The following NOM1 variants were observed in gnomAD, a reference collection of about 807,000 sequenced individuals.
NOM1 encodes nucleolar protein with MIF4G domain 1.
A neutral mutation model predicts 73.3 loss-of-function variants in NOM1; 58 were observed. The ratio of observed to expected loss-of-function variants is 0.79; its 90% confidence interval spans 0.64 to 0.99. The LOEUF is 0.99. Among genes scored for constraint, NOM1 ranks in the 50% least tolerant of loss-of-function variants. The pLI is 0.00. For missense variants in NOM1, 1,226 were observed against 1,131.9 expected, an observed-to-expected ratio of 1.08 and a Z score of -1.19; for synonymous variants, 487 against 446.8, an observed-to-expected ratio of 1.09 and a Z score of -1.14.
chr7:156,957,716 A>G lies in NOM1; in HGVS notation c.1309-2135A>G, dbSNP rs185637212. ...CGTGAACCCAGCAGGCGGAGCTTGCAGTGAGCCGAGATCGCACCACTGCAC... is the reference window on the plus strand; with the variant it reads ...CGTGAACCCAGCAGGCGGAGCTTGCGGTGAGCCGAGATCGCACCACTGCAC... On this transcript the variant is annotated intron_variant, in intron 3 of 10. Coordinates refer to ENST00000275820, the MANE Select transcript of NOM1 (RefSeq NM_138400.2). Among the ~76,000 whole-genome samples, 422 of 114,754 alleles carry G rather than the reference A, an allele frequency of 3.7e-3. 1 individual carries two copies. Among genetic ancestry groups the G allele is most frequent in the African/African-American group, 0.013 (392 of 30,294 alleles). The allele number at this position is 114,754 out of a possible 152,430, so 75.3% of individuals were successfully genotyped here. A position where few individuals can be genotyped will look rare whatever the true frequency, so the allele number is the denominator to read the frequency against.
chr7:156,967,400 G>A (rs139763428), intron 9 of NOM1, among the ~76,000 whole-genome samples: 13 of 152,346 alleles, frequency 8.5e-5, no homozygotes, highest in African/African-American at 3.1e-4. Context: ...GAGAAGGGCG[G>A]ATGAAGTAGG....
At position 156,971,056 on chromosome 7, in the gene NOM1, A is replaced by G. The variant is rs1267267595; in HGVS notation, c.*1353A>G. The G allele has an allele frequency of 6.6e-6, 1 of 152,208 alleles. No individual in the cohort carries two copies. The highest frequency in any genetic ancestry group is 1.5e-5 in the Non-Finnish European group (1 of 68,044). 9.4% of individuals were successfully genotyped at this position (152,208 alleles called of 1,614,324 possible). A position where few individuals can be genotyped will look rare whatever the true frequency, so the allele number is the denominator to read the frequency against. On this transcript the variant is annotated 3_prime_UTR_variant, in exon 11 of 11. Coordinates refer to ENST00000275820, the MANE Select transcript of NOM1 (RefSeq NM_138400.2). ...GAGAAACAAACACACCCCACTCACT[A>G]AGTATGGAAAACTGATTCTGGGAGG...
chr7:156,951,445 A>G (rs1804591156), intron 1 of NOM1, among the ~76,000 whole-genome samples: 1 of 152,286 alleles, frequency 6.6e-6, no homozygotes, highest in Middle Eastern at 3.4e-3. Context: ...ATGGGCTGTC[A>G]TCTTGCATAT....
At chr7:156,963,824 A>G (rs1804928942) in intron 6 of NOM1, 81 bp from the exon 7 acceptor site, 1 of 1,513,330 alleles carries the variant, frequency 6.6e-7, no homozygotes, top group Non-Finnish European at 8.9e-7. Flanking sequence ...ATTCAGTGAC[A>G]CTGAAGTACA....
Position 156,959,916 on chromosome 7 carries a change from A to C in NOM1, c.1374A>C (p.Glu458Asp), listed in dbSNP as rs1563682168. 1 of 1,614,230 alleles carries C rather than the reference A, an allele frequency of 6.2e-7. No homozygotes were observed. Among genetic ancestry groups the C allele is most frequent in the Non-Finnish European group, 8.5e-7 (1 of 1,180,020 alleles). Residue 458 changes from glutamate (E) to aspartate (D), a missense_variant, in exon 4 of 11, where the codon GAA becomes GAC. Coordinates refer to ENST00000275820, the MANE Select transcript of NOM1 (RefSeq NM_138400.2). ...KFDAIYKYGS[E>D]GKECDNLFTV... ...ATGCCATCTATAAATACGGAAGCGA[A>C]GGGAAAGAGTGTGACAACCTGTTCA...
chr7:156,966,200 C>T (rs1586575174), intron 7 of NOM1, 70 bp from the exon 8 acceptor site: 17 of 1,585,698 alleles, frequency 1.1e-5, no homozygotes, highest in Non-Finnish European at 1.3e-5. Flanking sequence ...AAGATGTTCC[C>T]CTGAAAGGTA....
intron 7 of NOM1, among the ~76,000 whole-genome samples, chr7:156,965,890 G>T (rs1481911053): frequency 6.8e-6 from 1 of 147,622 alleles, no homozygotes; most frequent in Non-Finnish European, 1.5e-5. Flanking sequence ...CTCCAGCCTG[G>T]GTGACAGAGC....
intron 1 of NOM1, among the ~76,000 whole-genome samples, chr7:156,952,102 A>C (rs553281990): frequency 2.0e-5 from 3 of 152,158 alleles, no homozygotes; most frequent in Non-Finnish European, 2.9e-5. Flanking sequence ...GGTTTGTTTA[A>C]TTTAGGTTCT....
At chr7:156,959,689 T>A (rs1372151470) in intron 3 of NOM1, among the ~76,000 whole-genome samples, 162 bp from the exon 4 acceptor site, 1 of 152,256 alleles carries the variant, frequency 6.6e-6, no homozygotes, top group African/African-American at 2.4e-5. Flanking sequence ...GCGTCCAGGC[T>A]GGGGCACTCT....
chr7:156,954,282 A>G lies in NOM1; in HGVS notation c.1292A>G (p.His431Arg). 2.5e-6 allele frequency: 4 copies of G among 1,595,576 alleles called. No individual in the cohort carries two copies. The highest frequency in any genetic ancestry group is 3.4e-6 in the Non-Finnish European group (4 of 1,171,886). The change falls in exon 3 of 11, where the codon CAC becomes CGC. Residue 431 changes from histidine (H) to arginine (R), a missense_variant. Physicochemically the swap from His to Arg is conservative, Grantham distance 29 (BLOSUM62 0). Coordinates refer to ENST00000275820, the MANE Select transcript of NOM1 (RefSeq NM_138400.2). ...GTTCTCTTAGTCAGCATCCTTCACC[A>G]CACAGTTGGAATCGAGGTACAGTTG... ...EHVLLVSILHHTVGIEVGAHF... is the reference protein window; with the variant it reads ...EHVLLVSILHRTVGIEVGAHF...
At chr7:156,959,216 C>A (rs1165172880) in intron 3 of NOM1, among the ~76,000 whole-genome samples, 2 of 151,996 alleles carry the variant, frequency 1.3e-5, no homozygotes, top group Admixed American at 6.6e-5. Context: ...GATTCTCTTG[C>A]CTCAGCCTCC....
At chr7:156,956,932 C>G (rs1019703984) in intron 3 of NOM1, among the ~76,000 whole-genome samples, 4 of 152,140 alleles carry the variant, frequency 2.6e-5, no homozygotes, top group African/African-American at 9.7e-5. Flanking sequence ...CTTCAGCTGA[C>G]TTAATCATCA....
In NOM1 at chr7:156,950,490, A is replaced by G; in HGVS notation, c.753A>G (p.Leu251=). Reference sequence around the variant, plus strand: ...GACAGACACTCCCCGAAAGTGACTTAGAGAGTGACTCCCAGGACGAAAGTG... The same window carrying G: ...GACAGACACTCCCCGAAAGTGACTTGGAGAGTGACTCCCAGGACGAAAGTG... ...DAGQTLPESD[L]ESDSQDESEE... The change falls in exon 1 of 11, where the codon TTA becomes TTG. Residue 251 remains leucine (L), a synonymous_variant. Transcript: ENST00000275820. 2 of 1,613,984 alleles carry G rather than the reference A, an allele frequency of 1.2e-6. No homozygotes were observed. The highest frequency in any genetic ancestry group is 8.5e-7 in the Non-Finnish European group (1 of 1,179,884).
At position 156,963,020 on chromosome 7, in the gene NOM1, G is replaced by A. The variant is rs146828480; in HGVS notation, c.1756G>A (p.Gly586Ser). ...KLQRALVRNA[G>S]SGSETQLRVS... is the part of the protein sequence containing the mutation. ...CTCTCTTCATCAGGTCCGCAACGCC[G>A]GCTCAGGTTCTGAGACGCAGCTTCG... is the stretch of plus-strand genomic sequence containing the variant. Residue 586 changes from glycine (G) to serine (S), a missense_variant, in exon 6 of 11, where the codon GGC becomes AGC. Physicochemically the swap from Gly to Ser is moderately conservative, Grantham distance 56 (BLOSUM62 0). Coordinates refer to ENST00000275820, the MANE Select transcript of NOM1 (RefSeq NM_138400.2). The A allele has an allele frequency of 1.2e-4, 198 of 1,612,214 alleles. No individual in the cohort carries two copies. The highest frequency in any genetic ancestry group is 9.5e-4 in the African/African-American group (71 of 75,042).
chr7:156,964,157 C>G, intron 7 of NOM1, 131 bp downstream of exon 7: 1 of 866,988 alleles, frequency 1.2e-6, no homozygotes, highest in Non-Finnish European at 1.7e-6. Context: ...TCATGACCAT[C>G]CGCTCACGCT....
chr7:156,962,242 G>C lies in NOM1; in HGVS notation c.1724G>C (p.Arg575Thr). Residue 575 changes from arginine (R) to threonine (T), a missense_variant, in exon 5 of 11, where the codon AGG (arginine) becomes ACG (threonine). Physicochemically the swap from Arg to Thr is moderately conservative, Grantham distance 71 (BLOSUM62 -1). Coordinates refer to ENST00000275820, the MANE Select transcript of NOM1 (RefSeq NM_138400.2). ...GACCCCGAGCCCGTGGAGAAGCTGA[G>C]GAAACTGCAGAGAGCTTTGGTGAGT... Reference protein sequence around the residue: ...GYDPEPVEKLRKLQRALVRNA... With the variant: ...GYDPEPVEKLTKLQRALVRNA... The C allele has an allele frequency of 6.2e-7, 1 of 1,613,978 alleles. No individual in the cohort carries two copies. Among genetic ancestry groups the C allele is most frequent in the Non-Finnish European group, 8.5e-7 (1 of 1,179,860 alleles).
At position 156,950,313 on chromosome 7, in the gene NOM1, C is replaced by T. The variant is rs199920134; in HGVS notation, c.576C>T (p.Cys192=). ...GAGAGATCCGAAAGCTGGAGCGTTG[C>T]CTCGGTTTGAACAAGCGCAAAAAGA... ...EDREIRKLER[C]LGLNKRKKKD... is the part of the protein sequence containing the mutation. The change falls in exon 1 of 11, where the codon TGC becomes TGT. Residue 192 remains cysteine (C), a synonymous_variant. Coordinates refer to ENST00000275820, the MANE Select transcript of NOM1 (RefSeq NM_138400.2). The T allele has an allele frequency of 5.0e-6, 8 of 1,614,090 alleles. No homozygotes were observed. In the African/African-American group the frequency reaches 6.7e-5, roughly 13 times the overall value.
intron 2 of NOM1, among the ~76,000 whole-genome samples, 158 bp from the exon 3 acceptor site, chr7:156,953,945 C>T (rs964215508): frequency 9.2e-5 from 14 of 152,144 alleles, no homozygotes; most frequent in African/African-American, 2.9e-4. Flanking sequence ...ATAATATATG[C>T]TGGGTTATTG....
In NOM1 at chr7:156,963,887, C is replaced by A; in HGVS notation, c.1912-18C>A. 1 of 1,608,610 alleles carries A rather than the reference C, an allele frequency of 6.2e-7. No individual in the cohort carries two copies. Among genetic ancestry groups the A allele is most frequent in the South Asian group, 1.1e-5 (1 of 90,496 alleles). On this transcript the variant is annotated intron_variant, in intron 6 of 10. Coordinates refer to ENST00000275820, the MANE Select transcript of NOM1 (RefSeq NM_138400.2). Reference sequence around the variant, plus strand: ...CATGGAGACATGCGTATGACTTGTCCATTCATCGTGCTTCCAGGTCAGTTC... The same window carrying A: ...CATGGAGACATGCGTATGACTTGTCAATTCATCGTGCTTCCAGGTCAGTTC...
Sources: allele counts gnomAD v4.1 joint callset (sites outside exome capture counted in the v4.1 genomes callset), GRCh38; gene constraint gnomAD v4.1.1; transcripts MANE v1.5; gene names NCBI Gene and HGNC (gene_info 2026-07-23, HGNC 2026-07-21).